DRC3: variants seen among roughly 807,000 people sequenced by gnomAD.
The protein encoded by DRC3 is dynein regulatory complex subunit 3.
DRC3 carries 45 observed loss-of-function variants against 57.6 expected under a neutral mutation model. The ratio of observed to expected loss-of-function variants is 0.78; its 90% CI spans 0.62 to 1.00. DRC3 has a LOEUF of 1.00. Among genes scored for constraint, DRC3 ranks in the 50% least tolerant of loss-of-function variants. The probability of loss-of-function intolerance (pLI) is 0.00; values close to 1 mark genes in which losing one functional copy is unlikely to be tolerated. For synonymous variants in DRC3, 257 were observed against 272.3 expected (o/e 0.94, Z 0.55); for missense variants, 655 against 675.2 (o/e 0.97, Z 0.33).
chr17:17,975,520 C>T (rs73979246), intron 2 of DRC3, among the ~76,000 whole-genome samples: 1 of 138,732 alleles, frequency 7.2e-6, no homozygotes. Context: ...TCCCCACCCC[C>T]CCCCCAAAAA....
rs34029124 is a variant in DRC3 at position 18,000,247 on chromosome 17, A to AGTGTGT, written c.999+2629_999+2634dup. 2.7e-3 allele frequency among the ~76,000 whole-genome samples: 159 copies of AGTGTGT among 58,528 alleles called. 2 individuals carry two copies. The highest frequency in any genetic ancestry group is 8.5e-3 in the African/African-American group (144 of 17,012). 38.4% of individuals were successfully genotyped at this position (58,528 alleles called of 152,430 possible). A position where few individuals can be genotyped will look rare whatever the true frequency, so the allele number is the denominator to read the frequency against. On this transcript the variant is annotated intron_variant, in intron 9 of 13. Coordinates refer to ENST00000399187, the MANE Select transcript of DRC3 (RefSeq NM_031294.4). ...CCGTTCTGTACTTTGCTTTCACGTGAGTGTGTGTGTGTGTGTGTGTGCATA... is the reference window on the plus strand; with the variant it reads ...CCGTTCTGTACTTTGCTTTCACGTGAGTGTGTGTGTGTGTGTGTGTGTGTGTGCATA...
chr17:17,997,762 TCC>T, intron 9 of DRC3, 128 bp downstream of exon 9: 1 of 887,652 alleles, frequency 1.1e-6, no homozygotes, highest in South Asian at 2.0e-5. Flanking sequence ...ATGGTTATTG[TCC>T]CCATTTGCCA....
chr17:17,998,186 C>T (rs1597609717), intron 9 of DRC3, among the ~76,000 whole-genome samples: 1 of 152,030 alleles, frequency 6.6e-6, no homozygotes, highest in East Asian at 1.9e-4. Context: ...TTGGGGGTGC[C>T]CTAGGGGCGC....
chr17:17,977,433 C>A, intron 2 of DRC3, 149 bp from the exon 3 acceptor site: 1 of 902,208 alleles, frequency 1.1e-6, no homozygotes, highest in South Asian at 1.6e-5. Flanking sequence ...AGTATACAAA[C>A]CCCGAGATGC....
At chr17:17,988,286 C>T in intron 5 of DRC3, 188 bp downstream of exon 5, 1 of 625,974 alleles carries the variant, frequency 1.6e-6, no homozygotes, top group Admixed American at 3.1e-5. Context: ...GCTTACCCAA[C>T]AAAATTCATC....
chr17:17,984,133 G>A (rs973404833), intron 4 of DRC3, among the ~76,000 whole-genome samples, 189 bp downstream of exon 4: 1 of 152,168 alleles, frequency 6.6e-6, no homozygotes, highest in African/African-American at 2.4e-5. Flanking sequence ...GGCTTGTGCT[G>A]GGCAAAGTGC....
At chr17:17,978,921 C>T (rs1012543747) in intron 3 of DRC3, among the ~76,000 whole-genome samples, 2 of 152,168 alleles carry the variant, frequency 1.3e-5, no homozygotes, top group Admixed American at 6.5e-5. Flanking sequence ...AAGCCTTGTC[C>T]TCATGGAGCT....
intron 9 of DRC3, among the ~76,000 whole-genome samples, chr17:18,003,250 C>A (rs62072050): frequency 2.0e-5 from 3 of 151,440 alleles, no homozygotes; most frequent in African/African-American, 7.3e-5. Flanking sequence ...TCTGGGAGGC[C>A]GAGGTGGGTG....
intron 11 of DRC3, 79 bp downstream of exon 11, chr17:18,006,332 A>G (rs2145421579): frequency 1.9e-6 from 2 of 1,056,930 alleles, no homozygotes; most frequent in East Asian, 5.0e-5. Flanking sequence ...GGACAAAAGA[A>G]TGTTCCACAG....
At chr17:18,004,624 C>T in intron 10 of DRC3, 130 bp downstream of exon 10, 1 of 949,436 alleles carries the variant, frequency 1.1e-6, no homozygotes. Context: ...CAGGCTGTAG[C>T]TTTCTTGCTC....
intron 3 of DRC3, among the ~76,000 whole-genome samples, chr17:17,983,238 GC>G (rs1364575740): frequency 1.3e-5 from 2 of 152,212 alleles, no homozygotes; most frequent in Admixed American, 6.5e-5. Flanking sequence ...ACATTTGGGA[GC>G]TTTTCTGCCC....
At chr17:17,978,395 A>C (rs769669517) in intron 3 of DRC3, among the ~76,000 whole-genome samples, 1 of 152,188 alleles carries the variant, frequency 6.6e-6, no homozygotes, top group Non-Finnish European at 1.5e-5. Context: ...CCTGGCTCAC[A>C]CAGCAAGCCA....
intron 12 of DRC3, chr17:18,007,536 G>A (rs1214549283): frequency 6.5e-7 from 1 of 1,529,584 alleles, no homozygotes; most frequent in South Asian, 1.2e-5. Context: ...CTGTGGGGGT[G>A]TTGGAACCAC....
chr17:18,012,835 T>C (rs887820552), intron 12 of DRC3, among the ~76,000 whole-genome samples: 22 of 152,018 alleles, frequency 1.4e-4, no homozygotes, highest in Admixed American at 7.9e-4. Flanking sequence ...AAACTATAAA[T>C]CTTCTGCACA....
At chr17:17,988,280 A>AAC (rs2043057138) in intron 5 of DRC3, 182 bp downstream of exon 5, 7 of 559,424 alleles carry the variant, frequency 1.3e-5, no homozygotes, top group African/African-American at 4.5e-5. Flanking sequence ...TACCATGCTT[A>AAC]CCCAACAAAA....
At chr17:17,979,972 C>G (rs2042580142) in intron 3 of DRC3, among the ~76,000 whole-genome samples, 1 of 152,064 alleles carries the variant, frequency 6.6e-6, no homozygotes, top group South Asian at 2.1e-4. Flanking sequence ...CCCTGGGAAC[C>G]CAGGATAGGT....
intron 11 of DRC3, 45 bp downstream of exon 11, chr17:18,006,298 G>A: frequency 7.0e-7 from 1 of 1,421,006 alleles, no homozygotes; most frequent in Non-Finnish European, 9.9e-7. Flanking sequence ...GTGCTACAGA[G>A]CCCCTGGGCT....
Position 18,007,106 on chromosome 17 carries a change from G to A in DRC3, c.1285G>A (p.Glu429Lys). ...ISISTLEKIVEGDLDEDLPND... is the reference protein window; with the variant it reads ...ISISTLEKIVKGDLDEDLPND... ...TATCAGCACCCTGGAGAAGATTGTCGAGGGCGACCTGGACGAGGACCTGCC... is the reference window on the plus strand; with the variant it reads ...TATCAGCACCCTGGAGAAGATTGTCAAGGGCGACCTGGACGAGGACCTGCC... The change falls in exon 12 of 14, where the codon GAG (glutamate) becomes AAG (lysine). Residue 429 changes from glutamate to lysine, a missense_variant. Glu to Lys is a moderately conservative substitution (Grantham distance 56). Transcript: ENST00000399187. The A allele has an allele frequency of 1.5e-6, 2 of 1,366,830 alleles. No homozygotes were observed. Among genetic ancestry groups the A allele is most frequent in the South Asian group, 1.2e-5 (1 of 86,204 alleles). The allele number at this position is 1,366,830 out of a possible 1,614,324, so 84.7% of individuals were successfully genotyped here.
chr17:17,989,918 C>T (rs1193925752), intron 5 of DRC3, among the ~76,000 whole-genome samples: 1 of 152,168 alleles, frequency 6.6e-6, no homozygotes, highest in Non-Finnish European at 1.5e-5. Flanking sequence ...GTAAGCTGAG[C>T]CCCTGCGGCA....
Sources: allele counts gnomAD v4.1 joint callset (sites outside exome capture counted in the v4.1 genomes callset), GRCh38; gene constraint gnomAD v4.1.1; transcripts MANE v1.5; gene names NCBI Gene and HGNC (gene_info 2026-07-23, HGNC 2026-07-21).